TRPC4: variants seen among roughly 807,000 people sequenced by gnomAD.
The protein encoded by TRPC4 is transient receptor potential cation channel subfamily C member 4.
Under a neutral mutation model 99.4 loss-of-function variants are expected in TRPC4, and 49 were observed. The observed-to-expected ratio is 0.49, with a 90% CI of 0.39 to 0.63. The LOEUF is 0.63. Ranked by LOEUF, TRPC4 falls within the 20% of genes least tolerant of loss-of-function variation. TRPC4 has a pLI of 0.00. For synonymous variants in TRPC4, 454 were observed against 425.9 expected, an observed-to-expected ratio of 1.07 and a Z score of -0.81; for missense variants, 898 against 1,152.9, an observed-to-expected ratio of 0.78 and a Z score of 3.20.
At chr13:37,808,456 G>C (rs533216197) in intron 1 of TRPC4, among the ~76,000 whole-genome samples, 1 of 152,026 alleles carries the variant, frequency 6.6e-6, no homozygotes, top group Non-Finnish European at 1.5e-5. Flanking sequence ...AATACATTTT[G>C]ATGGAACTGT....
intron 4 of TRPC4, among the ~76,000 whole-genome samples, chr13:37,679,804 T>A (rs759028645): frequency 1.3e-5 from 2 of 152,200 alleles, no homozygotes; most frequent in African/African-American, 4.8e-5. Context: ...TACCTCCATA[T>A]TGGAGAAAGG....
chr13:37,867,055 A>G (rs989091801), intron 1 of TRPC4, among the ~76,000 whole-genome samples: 9 of 151,764 alleles, frequency 5.9e-5, no homozygotes, highest in Admixed American at 2.0e-4. Flanking sequence ...TTCATAAGCT[A>G]TATGGCAATG....
At chr13:37,704,800 C>T in intron 3 of TRPC4, among the ~76,000 whole-genome samples, 1 of 152,010 alleles carries the variant, frequency 6.6e-6, no homozygotes, top group East Asian at 1.9e-4. Context: ...TCTCAATATT[C>T]CCCCTTAATT....
intron 2 of TRPC4, among the ~76,000 whole-genome samples, chr13:37,751,710 G>A (rs1955938088): frequency 6.6e-6 from 1 of 151,970 alleles, no homozygotes; most frequent in African/African-American, 2.4e-5. Flanking sequence ...TATTTACTGA[G>A]TCTATTGTCT....
intron 1 of TRPC4, among the ~76,000 whole-genome samples, chr13:37,808,001 T>C (rs1282200199): frequency 6.6e-6 from 1 of 152,104 alleles, no homozygotes; most frequent in Admixed American, 6.6e-5. Flanking sequence ...TGACAGGTAC[T>C]AAAAGGCCTT....
At chr13:37,643,270 TATGGCAGTGGAGTGCA>T (rs1446532771) in intron 8 of TRPC4, among the ~76,000 whole-genome samples, 1 of 152,206 alleles carries the variant, frequency 6.6e-6, no homozygotes, top group Non-Finnish European at 1.5e-5. Flanking sequence ...ACTACATGTG[TATGGCAGTGGAGTGCA>T]AGAAACCAGA....
chr13:37,717,389 C>T (rs1178419512), intron 3 of TRPC4, among the ~76,000 whole-genome samples: 1 of 151,986 alleles, frequency 6.6e-6, no homozygotes, highest in African/African-American at 2.4e-5. Context: ...TTTTACACAC[C>T]AACATGAGTT....
chr13:37,774,528 G>A (rs1216576442), intron 2 of TRPC4, among the ~76,000 whole-genome samples: 1 of 151,472 alleles, frequency 6.6e-6, no homozygotes. Context: ...TTATGTTCTG[G>A]GGTACAAGTG....
intron 10 of TRPC4, among the ~76,000 whole-genome samples, 182 bp from the exon 11 acceptor site, chr13:37,637,807 G>A (rs1001495363): frequency 6.6e-6 from 1 of 151,950 alleles, no homozygotes; most frequent in Non-Finnish European, 1.5e-5. Flanking sequence ...TTTTGATGTC[G>A]ACTAATTTCC....
rs370761666 is a variant in TRPC4, at chr13:37,759,339, G to A, written c.379-12884C>T. Among the ~76,000 whole-genome samples, 31 of 151,790 alleles carry A rather than the reference G, an allele frequency of 2.0e-4. No individual in the cohort carries two copies. The East Asian group carries it at 3.1e-3, about 15-fold the overall frequency. On this transcript the variant is annotated intron_variant, in intron 2 of 10. Transcript: ENST00000379705. ...TTTTTTGTCTGCCCTGAGATTGTCT[G>A]CCCTGAGATTGAGAGCTCTTAAAGC...
At chr13:37,654,973 T>C in intron 7 of TRPC4, 115 bp downstream of exon 7, 1 of 794,582 alleles carries the variant, frequency 1.3e-6, no homozygotes, top group Non-Finnish European at 1.8e-6. Context: ...AATTCTTATC[T>C]GTCTAATCAA....
intron 1 of TRPC4, among the ~76,000 whole-genome samples, chr13:37,850,268 G>A (rs1233531335): frequency 2.0e-5 from 3 of 152,138 alleles, no homozygotes; most frequent in Non-Finnish European, 4.4e-5. Context: ...TGAAGCAGAG[G>A]TCAAATTGCT....
At chr13:37,641,577 A>G (rs1951714953) in intron 8 of TRPC4, among the ~76,000 whole-genome samples, 1 of 152,216 alleles carries the variant, frequency 6.6e-6, no homozygotes, top group South Asian at 2.1e-4. Flanking sequence ...TGCGGCTGAT[A>G]GAGCTCTCAT....
chr13:37,745,963 A>T lies in TRPC4; in HGVS notation c.871T>A (p.Leu291Met). ...TCTTTTTGACGGTACTTAATGGCCA[A>T]TTTTAGTCTTGCAAGATCATTTCCA... The part of the protein sequence containing the change: ...QSGNDLARLK[L>M]AIKYRQKEFV... The change falls in exon 3 of 11, where the codon TTG becomes ATG. Residue 291 changes from leucine (L) to methionine (M), a missense_variant. By Grantham distance (15) the Leu-to-Met change is conservative. Coordinates refer to ENST00000379705, the MANE Select transcript of TRPC4 (RefSeq NM_016179.4). 1 of 1,613,366 alleles carries T rather than the reference A, an allele frequency of 6.2e-7. No individual in the cohort carries two copies. The highest frequency in any genetic ancestry group is 8.5e-7 in the Non-Finnish European group (1 of 1,179,532).
At chr13:37,826,768 G>A (rs1309970445) in intron 1 of TRPC4, among the ~76,000 whole-genome samples, 5 of 152,086 alleles carry the variant, frequency 3.3e-5, no homozygotes, top group African/African-American at 4.8e-5. Flanking sequence ...TGCTCTTCTC[G>A]AGGAGTATCT....
chr13:37,696,020 C>T (rs1953891350), intron 3 of TRPC4, among the ~76,000 whole-genome samples: 1 of 152,140 alleles, frequency 6.6e-6, no homozygotes, highest in Non-Finnish European at 1.5e-5. Flanking sequence ...AAGACATACC[C>T]GAAACTGGGC....
intron 4 of TRPC4, among the ~76,000 whole-genome samples, chr13:37,677,728 C>G (rs896106589): frequency 1.3e-5 from 2 of 152,058 alleles, no homozygotes; most frequent in African/African-American, 4.8e-5. Flanking sequence ...TTCAGCATTC[C>G]TCTCTCTGTA....
In TRPC4 at chr13:37,748,474, C is replaced by T. The variant is rs1191819936; in HGVS notation, c.379-2019G>A. Among the ~76,000 whole-genome samples the T allele has an allele frequency of 9.2e-5, 14 of 151,786 alleles. 1 individual carries two copies. In the East Asian group the frequency reaches 2.5e-3, roughly 27 times the overall value. On this transcript the variant is annotated intron_variant, in intron 2 of 10. Transcript: ENST00000379705. Reference sequence around the variant, plus strand: ...TAATATATCCATACAGAATGGCATACATTTTTTTTCAAAAAAATAACAGTG... The same window carrying T: ...TAATATATCCATACAGAATGGCATATATTTTTTTTCAAAAAAATAACAGTG...
intron 1 of TRPC4, among the ~76,000 whole-genome samples, chr13:37,858,152 G>A (rs545857321): frequency 1.3e-5 from 2 of 151,556 alleles, no homozygotes; most frequent in South Asian, 4.2e-4. Context: ...TGGAAAATAG[G>A]CACACAAGAA....
Sources: allele counts gnomAD v4.1 joint callset (sites outside exome capture counted in the v4.1 genomes callset), GRCh38; gene constraint gnomAD v4.1.1; transcripts MANE v1.5; gene names NCBI Gene and HGNC (gene_info 2026-07-23, HGNC 2026-07-21).